The following L3MBTL4 variants were observed in gnomAD, a reference collection of about 807,000 sequenced individuals.
L3MBTL4 encodes lethal(3)malignant brain tumor-like protein 4.
In L3MBTL4, 70 loss-of-function variants were observed where a neutral mutation model predicts 84.5. The ratio of observed to expected loss-of-function variants is 0.83; its 90% CI spans 0.68 to 1.01. The LOEUF is 1.01. Ranked by LOEUF, L3MBTL4 falls within the 50% of genes least tolerant of loss-of-function variation. The probability of loss-of-function intolerance (pLI) is 0.00; values close to 1 mark genes in which losing one functional copy is unlikely to be tolerated. For synonymous variants in L3MBTL4, 274 were observed against 259.8 expected, an observed-to-expected ratio of 1.05 and a Z score of -0.52; for missense variants, 715 against 754.8, an observed-to-expected ratio of 0.95 and a Z score of 0.62.
At chr18:6,404,460 C>G (rs937860005) in intron 1 of L3MBTL4, among the ~76,000 whole-genome samples, 1 of 152,142 alleles carries the variant, frequency 6.6e-6, no homozygotes, top group African/African-American at 2.4e-5. Flanking sequence ...AGATAAAAAG[C>G]TCGATTTCTG....
chr18:5,989,087 G>A (rs1598371169), intron 16 of L3MBTL4, among the ~76,000 whole-genome samples: 2 of 152,208 alleles, frequency 1.3e-5, no homozygotes, highest in African/African-American at 4.8e-5. Context: ...TGGGGAACTG[G>A]AGGCTACAGG....
intron 16 of L3MBTL4, among the ~76,000 whole-genome samples, chr18:6,011,424 A>G (rs1011299961): frequency 6.6e-6 from 1 of 152,138 alleles, no homozygotes; most frequent in Non-Finnish European, 1.5e-5. Flanking sequence ...TGACATAGAC[A>G]GCTCTATGGA....
chr18:6,153,960 C>A (rs2042996070), intron 13 of L3MBTL4, among the ~76,000 whole-genome samples: 1 of 152,164 alleles, frequency 6.6e-6, no homozygotes, highest in Admixed American at 6.6e-5. Context: ...TGAAAACAGA[C>A]TAATACAGTT....
At chr18:6,088,809 T>C (rs906552285) in intron 15 of L3MBTL4, among the ~76,000 whole-genome samples, 6 of 152,192 alleles carry the variant, frequency 3.9e-5, no homozygotes, top group African/African-American at 1.4e-4. Context: ...GTGCAGTTTA[T>C]CACCAAGATC....
chr18:6,030,792 T>C, intron 16 of L3MBTL4: 1 of 985,036 alleles, frequency 1.0e-6, no homozygotes, highest in Non-Finnish European at 1.2e-6. Flanking sequence ...TTCATTGCAT[T>C]AAAAACGTCT....
intron 16 of L3MBTL4, among the ~76,000 whole-genome samples, chr18:6,060,157 A>G (rs1598600413): frequency 6.6e-6 from 1 of 152,160 alleles, no homozygotes; most frequent in Non-Finnish European, 1.5e-5. Context: ...TATTCATTAC[A>G]TACTCTCATT....
intron 12 of L3MBTL4, among the ~76,000 whole-genome samples, chr18:6,178,410 G>A (rs1440650280): frequency 6.6e-6 from 1 of 152,072 alleles, no homozygotes; most frequent in Non-Finnish European, 1.5e-5. Flanking sequence ...ATAAAAATCC[G>A]ATTTAAAAAA....
At chr18:6,127,202 A>T (rs967745224) in intron 14 of L3MBTL4, among the ~76,000 whole-genome samples, 2 of 152,212 alleles carry the variant, frequency 1.3e-5, no homozygotes, top group African/African-American at 2.4e-5. Flanking sequence ...AGCTTGTCCA[A>T]CTTGCGGCCC....
rs139285032 is a variant in L3MBTL4 at position 6,004,521 on chromosome 18, A to G, written c.1445-34959T>C. 4.7e-3 allele frequency among the ~76,000 whole-genome samples: 723 copies of G among 152,332 alleles called. 3 individuals carry two copies. Among genetic ancestry groups the G allele is most frequent in the Non-Finnish European group, 7.3e-3 (494 of 68,022 alleles). On this transcript the variant is annotated intron_variant, in intron 16 of 18. Coordinates refer to ENST00000317931, the MANE Select transcript of L3MBTL4 (RefSeq NM_001330559.2). ...AGGGGGAACACTTTCTAACTCATAG[A>G]AAGGCATTCAAATAGAAAAGGAAGA...
intron 16 of L3MBTL4, chr18:6,029,868 C>T (rs2055699426): frequency 2.0e-6 from 2 of 982,712 alleles, no homozygotes; most frequent in African/African-American, 1.7e-5. Flanking sequence ...TAGATTCACA[C>T]ACAGAATCTA....
chr18:6,090,619 CACACAT>C (rs1443182078), intron 15 of L3MBTL4, among the ~76,000 whole-genome samples: 10 of 120,150 alleles, frequency 8.3e-5, no homozygotes, highest in South Asian at 4.7e-4. Context: ...CACACACACA[CACACAT>C]ATATTTCTTT....
chr18:6,050,251 G>A (rs754465332), intron 16 of L3MBTL4, among the ~76,000 whole-genome samples: 54 of 152,130 alleles, frequency 3.5e-4, no homozygotes, highest in Admixed American at 9.2e-4. Context: ...AAGAACTTGC[G>A]TAATCTGACT....
chr18:6,335,294 T>C (rs937500072), intron 1 of L3MBTL4, among the ~76,000 whole-genome samples: 3 of 152,080 alleles, frequency 2.0e-5, no homozygotes, highest in Non-Finnish European at 4.4e-5. Flanking sequence ...TTTCACCACA[T>C]TGGCCAGGCT....
At chr18:6,237,850 T>C in intron 10 of L3MBTL4, 114 bp downstream of exon 10, 1 of 801,690 alleles carries the variant, frequency 1.2e-6, no homozygotes. Context: ...CACATAGTGT[T>C]TTTATCATAT....
chr18:6,064,091 C>A (rs1280823523), intron 16 of L3MBTL4, among the ~76,000 whole-genome samples: 1 of 152,090 alleles, frequency 6.6e-6, no homozygotes, highest in Non-Finnish European at 1.5e-5. Flanking sequence ...CCAGTTTTCC[C>A]AGCACCGTTT....
intron 5 of L3MBTL4, among the ~76,000 whole-genome samples, chr18:6,251,865 A>G (rs909598833): frequency 1.3e-5 from 2 of 152,216 alleles, no homozygotes; most frequent in Non-Finnish European, 2.9e-5. Context: ...GTAGCACTGC[A>G]CACTGCAGAG....
At chr18:6,357,440 G>C (rs2053496001) in intron 1 of L3MBTL4, among the ~76,000 whole-genome samples, 1 of 152,024 alleles carries the variant, frequency 6.6e-6, no homozygotes, top group Non-Finnish European at 1.5e-5. Context: ...TTTAATTTTG[G>C]TATCTTTTCT....
At chr18:6,187,387 T>A (rs2044826833) in intron 12 of L3MBTL4, among the ~76,000 whole-genome samples, 1 of 152,208 alleles carries the variant, frequency 6.6e-6, no homozygotes, top group African/African-American at 2.4e-5. Context: ...CACATCATAG[T>A]AGATGAAAAT....
intron 1 of L3MBTL4, among the ~76,000 whole-genome samples, chr18:6,368,524 G>T (rs746881506): frequency 2.0e-5 from 3 of 152,072 alleles, no homozygotes; most frequent in Non-Finnish European, 4.4e-5. Context: ...GCATTAACTC[G>T]TGGAACTTCA....
Sources: gnomAD v4.1 joint callset for allele counts (sites outside exome capture counted in the v4.1 genomes callset) on GRCh38, gnomAD v4.1.1 for gene constraint, MANE v1.5 for transcripts, NCBI Gene and HGNC (gene_info 2026-07-23, HGNC 2026-07-21) for gene names.